The following PHC3 variants were observed in gnomAD, a reference collection of about 807,000 sequenced individuals.
PHC3 encodes polyhomeotic homolog 3.
In PHC3, 13 loss-of-function variants were observed where a neutral mutation model predicts 107.4. That is an observed-to-expected ratio of 0.12 (90% CI 0.08 to 0.19). The LOEUF (loss-of-function observed/expected upper bound fraction) is 0.19, where lower values mean the gene tolerates loss of function less well. Ranked by LOEUF, PHC3 falls within the 10% of genes least tolerant of loss-of-function variation. PHC3 has a pLI of 1.00. For synonymous variants in PHC3, 456 were observed against 427.4 expected, an observed-to-expected ratio of 1.07 and a Z score of -0.83; for missense variants, 992 against 1,210.9, an observed-to-expected ratio of 0.82 and a Z score of 2.68.
Position 170,136,527 on chromosome 3 carries a change from G to A in PHC3, c.811C>T (p.Gln271Ter). Reference sequence around the variant, plus strand: ...TTACTTTCTGGAGAAGGATCTCGTTGGCTGATTTTAGAACTGGTCACTGTT... The same window carrying A: ...TTACTTTCTGGAGAAGGATCTCGTTAGCTGATTTTAGAACTGGTCACTGTT... ...KTTVTSSKIS[Q>*]RDPSPESNKK... The change falls in exon 7 of 15, where the codon CAA (glutamine) becomes TAA (stop). Residue 271 changes from glutamine (Q) to a stop codon, truncating the protein, a stop_gained. Coordinates refer to ENST00000495893, the MANE Select transcript of PHC3 (RefSeq NM_024947.4). LOFTEE classifies it high-confidence loss of function. 6.2e-7 allele frequency: 1 copy of A among 1,609,684 alleles called. No homozygotes were observed. Among genetic ancestry groups the A allele is most frequent in the Non-Finnish European group, 8.5e-7 (1 of 1,178,444 alleles).
intron 5 of PHC3, chr3:170,148,314 A>C (rs900690526): frequency 3.2e-4 from 48 of 152,326 alleles, no homozygotes; most frequent in African/African-American, 1.1e-3. Flanking sequence ...AAAACTGGAG[A>C]TCCAGATATA....
At chr3:170,145,747 A>C (rs1445090464) in intron 5 of PHC3, among the ~76,000 whole-genome samples, 1 of 152,242 alleles carries the variant, frequency 6.6e-6, no homozygotes, top group Non-Finnish European at 1.5e-5. Context: ...ATGAGTGCAA[A>C]AAAAAGCAGT....
At chr3:170,135,702 CAG>C (rs959945313) in intron 7 of PHC3, among the ~76,000 whole-genome samples, 2 of 151,368 alleles carry the variant, frequency 1.3e-5, no homozygotes, top group African/African-American at 2.4e-5. Flanking sequence ...GGATCAACAA[CAG>C]GGGCAAATGG....
At chr3:170,148,703 A>T (rs1305752883) in intron 5 of PHC3, 2 of 155,242 alleles carry the variant, frequency 1.3e-5, no homozygotes, top group African/African-American at 2.4e-5. Flanking sequence ...ATCTAAGTTG[A>T]CAAAAACAGG....
At position 170,088,368 on chromosome 3, in the gene PHC3, T is replaced by C. The variant is rs1713709441; in HGVS notation, c.*8862A>G. On this transcript the variant is annotated 3_prime_UTR_variant, in exon 15 of 15. Coordinates refer to ENST00000495893, the MANE Select transcript of PHC3 (RefSeq NM_024947.4). ...GGTCTTTGCTAAAATTAACAAAATT[T>C]TAATAAGCAAGACGACAAAAAGTAC... 1 of 152,168 alleles carries C rather than the reference T, an allele frequency of 6.6e-6. No individual in the cohort carries two copies. The highest frequency in any genetic ancestry group is 2.4e-5 in the African/African-American group (1 of 41,436). The allele number at this position is 152,168 out of a possible 1,614,324, so 9.4% of individuals were successfully genotyped here.
intron 9 of PHC3, 36 bp downstream of exon 9, chr3:170,122,555 A>G: frequency 6.2e-7 from 1 of 1,602,608 alleles, no homozygotes; most frequent in Non-Finnish European, 8.5e-7. Flanking sequence ...CATTTATCAA[A>G]TAGAAAAATT....
chr3:170,128,365 T>C, intron 8 of PHC3: 1 of 1,310,642 alleles, frequency 7.6e-7, no homozygotes, highest in Non-Finnish European at 9.9e-7. Flanking sequence ...TTTGTGCAGA[T>C]GACACTGGTT....
chr3:170,119,799 T>G (rs1338987730), intron 9 of PHC3, among the ~76,000 whole-genome samples: 1 of 151,848 alleles, frequency 6.6e-6, no homozygotes, highest in East Asian at 1.9e-4. Flanking sequence ...TTTCTGCAAG[T>G]TAGTTTATTT....
At chr3:170,124,881 T>G (rs1195145793) in intron 8 of PHC3, among the ~76,000 whole-genome samples, 2 of 152,072 alleles carry the variant, frequency 1.3e-5, no homozygotes, top group African/African-American at 4.8e-5. Context: ...AACAGTAAGT[T>G]ATAAAGGTAA....
At chr3:170,127,088 C>G (rs1560060549) in intron 8 of PHC3, among the ~76,000 whole-genome samples, 1 of 151,788 alleles carries the variant, frequency 6.6e-6, no homozygotes, top group African/African-American at 2.4e-5. Flanking sequence ...GCTTCCTATA[C>G]CCCTGTTTTT....
At chr3:170,149,353 G>T in intron 4 of PHC3, 109 bp from the exon 5 acceptor site, 1 of 1,008,602 alleles carries the variant, frequency 9.9e-7, no homozygotes, top group Non-Finnish European at 1.4e-6. Context: ...TGTGGCTAAG[G>T]AACCCAAAGG....
rs1201433610 is a variant in PHC3, at chr3:170,129,610, T to C, written c.920-58A>G. 19 of 1,471,492 alleles carry C rather than the reference T, an allele frequency of 1.3e-5. No individual in the cohort carries two copies. The African/African-American group carries it at 1.4e-4, about 11-fold the overall frequency. The allele number at this position is 1,471,492 out of a possible 1,614,324, so 91.2% of individuals were successfully genotyped here. A position where few individuals can be genotyped will look rare whatever the true frequency, so the allele number is the denominator to read the frequency against. On this transcript the variant is annotated intron_variant, in intron 7 of 14. Coordinates refer to ENST00000495893, the MANE Select transcript of PHC3 (RefSeq NM_024947.4). ...TTTCAAAAATACAGAAATTTTTAAATCACTCTAAAGGAAAAAGTGTTCATT... is the reference window on the plus strand; with the variant it reads ...TTTCAAAAATACAGAAATTTTTAAACCACTCTAAAGGAAAAAGTGTTCATT...
At chr3:170,178,353 G>C (rs1317450591) in intron 2 of PHC3, among the ~76,000 whole-genome samples, 1 of 150,384 alleles carries the variant, frequency 6.6e-6, no homozygotes, top group East Asian at 2.0e-4. Context: ...CCGTGGTCTC[G>C]ATCTCCTGAC....
chr3:170,172,492 T>C, intron 3 of PHC3, 65 bp downstream of exon 3: 1 of 1,529,020 alleles, frequency 6.5e-7, no homozygotes, highest in Admixed American at 2.1e-5. Flanking sequence ...CCAATCTATT[T>C]ATTTTCAGTA....
chr3:170,152,337 A>ATTTTTTTTTTT (rs1220193435), intron 4 of PHC3, among the ~76,000 whole-genome samples: 15 of 122,166 alleles, frequency 1.2e-4, no homozygotes, highest in African/African-American at 3.7e-4. Flanking sequence ...CGCCTGGCTA[A>ATTTTTTTTTTT]TTTTTTTTTT....
chr3:170,145,570 C>T (rs1724802593), intron 5 of PHC3, 49 bp from the exon 6 acceptor site: 1 of 1,347,598 alleles, frequency 7.4e-7, no homozygotes, highest in Non-Finnish European at 1.1e-6. Flanking sequence ...AAGAACATGT[C>T]CCACACACAA....
At chr3:170,179,598 T>C (rs139270853) in intron 1 of PHC3, among the ~76,000 whole-genome samples, 25 of 152,296 alleles carry the variant, frequency 1.6e-4, no homozygotes, top group Admixed American at 9.8e-4. Flanking sequence ...CAACTTCCCA[T>C]ACCCTTACAA....
At position 170,120,519 on chromosome 3, in the gene PHC3, G is replaced by A. The variant is rs11923051; in HGVS notation, c.1942+2072C>T. Among the ~76,000 whole-genome samples, 1,220 of 151,826 alleles carry A rather than the reference G, an allele frequency of 8.0e-3. 15 individuals carry two copies. The highest frequency in any genetic ancestry group is 0.028 in the African/African-American group (1,168 of 41,408). ...ACCCAGGAGGCGAAAGTTGCAGTGAGCCGAGATCATGCCACTGCACTCCAG... is the reference window on the plus strand; with the variant it reads ...ACCCAGGAGGCGAAAGTTGCAGTGAACCGAGATCATGCCACTGCACTCCAG... On this transcript the variant is annotated intron_variant, in intron 9 of 14. Coordinates refer to ENST00000495893, the MANE Select transcript of PHC3 (RefSeq NM_024947.4).
intron 1 of PHC3, among the ~76,000 whole-genome samples, chr3:170,181,046 C>T (rs1731314693): frequency 1.3e-5 from 2 of 152,216 alleles, no homozygotes; most frequent in Non-Finnish European, 2.9e-5. Context: ...ACCGTCACAC[C>T]GACACACAAG....
Sources: gnomAD v4.1 joint callset for allele counts (sites outside exome capture counted in the v4.1 genomes callset) on GRCh38, gnomAD v4.1.1 for gene constraint, MANE v1.5 for transcripts, NCBI Gene and HGNC (gene_info 2026-07-23, HGNC 2026-07-21) for gene names.